PRSS12: variants seen among roughly 807,000 people sequenced by gnomAD.
The protein encoded by PRSS12 is serine protease 12.
In PRSS12, 85 loss-of-function variants were observed where a neutral mutation model predicts 104.4. The observed-to-expected ratio is 0.81, with a 90% confidence interval of 0.68 to 0.98. The LOEUF is 0.98. Among genes scored for constraint, PRSS12 ranks in the 50% least tolerant of loss-of-function variants. The pLI is 0.00. For synonymous variants in PRSS12, 454 were observed against 425.2 expected (o/e 1.07, Z -0.83); for missense variants, 1,141 against 1,139.2 (o/e 1.00, Z -0.02).
At chr4:118,304,991 T>C (rs1326888439) in intron 8 of PRSS12, among the ~76,000 whole-genome samples, 2 of 151,752 alleles carry the variant, frequency 1.3e-5, no homozygotes, top group African/African-American at 4.8e-5. Context: ...AGCTTCAAAG[T>C]TTCCTGGATT....
chr4:118,316,862 C>T (rs546899184), intron 5 of PRSS12, among the ~76,000 whole-genome samples: 234 of 107,932 alleles, frequency 2.2e-3, no homozygotes, highest in African/African-American at 6.7e-3. Flanking sequence ...ATATATCTTT[C>T]CTTTTTATTG....
At chr4:118,315,591 T>C (rs1198752885) in intron 6 of PRSS12, among the ~76,000 whole-genome samples, 2 of 152,224 alleles carry the variant, frequency 1.3e-5, no homozygotes, top group African/African-American at 2.4e-5. Context: ...AAGCATCATT[T>C]GCAGTTACTT....
chr4:118,316,837 A>AAAAAAATATATATATATATATATAT (rs35698159), intron 5 of PRSS12, among the ~76,000 whole-genome samples: 48 of 99,138 alleles, frequency 4.8e-4, no homozygotes, highest in African/African-American at 1.7e-3. Context: ...AAAAAAAAAA[A>AAAAAAATATATATATATATATATAT]ATATATATAT....
intron 5 of PRSS12, among the ~76,000 whole-genome samples, chr4:118,316,839 T>TATATATAG (rs1723446397): frequency 1.8e-5 from 1 of 55,008 alleles, no homozygotes; most frequent in Non-Finnish European, 4.2e-5. Flanking sequence ...AAAAAAAAAA[T>TATATATAG]ATATATATAT....
At chr4:118,290,923 C>T (rs1743111861) in intron 11 of PRSS12, among the ~76,000 whole-genome samples, 7 of 151,904 alleles carry the variant, frequency 4.6e-5, no homozygotes, top group Admixed American at 4.6e-4. Context: ...AAATTAGGTC[C>T]CTTCCTCACA....
At chr4:118,312,835 T>A (rs1213253544) in intron 7 of PRSS12, 1 of 280,656 alleles carries the variant, frequency 3.6e-6, no homozygotes, top group Non-Finnish European at 6.9e-6. Flanking sequence ...TTTTAAATCC[T>A]ATCCCAAATA....
At chr4:118,309,023 A>G (rs17049718) in intron 7 of PRSS12, among the ~76,000 whole-genome samples, 5,710 of 152,214 alleles carry the variant, frequency 0.038, 163 homozygotes, top group African/African-American at 0.077. Flanking sequence ...CGATATAAAT[A>G]GACACAATCT....
chr4:118,322,928 A>T (rs1723673115), intron 4 of PRSS12, among the ~76,000 whole-genome samples: 1 of 152,026 alleles, frequency 6.6e-6, no homozygotes, highest in Non-Finnish European at 1.5e-5. Flanking sequence ...AAAAAAAATC[A>T]AAATAAGAAT....
In PRSS12 at chr4:118,352,498, G is replaced by C. The variant is rs1418021891; in HGVS notation, c.223C>G (p.Gln75Glu). Reference sequence around the variant, plus strand: ...CCGGCCTGGAGGGCGTGCGGGCGCTGGGCAGGGAGCGCCCGCGGGGGGCGC... The same window carrying C: ...CCGGCCTGGAGGGCGTGCGGGCGCTCGGCAGGGAGCGCCCGCGGGGGGCGC... ...FPRPPRALPA[Q>E]RPHALQAGHT... Residue 75 changes from glutamine (Q) to glutamate (E), a missense_variant, in exon 1 of 13, where the codon CAG (glutamine) becomes GAG (glutamate). Transcript: ENST00000296498. 2.1e-6 allele frequency: 3 copies of C among 1,427,064 alleles called. No individual in the cohort carries two copies. Among genetic ancestry groups the C allele is most frequent in the Non-Finnish European group, 2.7e-6 (3 of 1,091,342 alleles). 88.4% of individuals were successfully genotyped at this position (1,427,064 alleles called of 1,614,324 possible). A position where few individuals can be genotyped will look rare whatever the true frequency, so the allele number is the denominator to read the frequency against.
chr4:118,330,952 A>G lies in PRSS12; in HGVS notation c.971+764T>C, dbSNP rs150778393. On this transcript the variant is annotated intron_variant, in intron 4 of 12. Transcript: ENST00000296498. Reference sequence around the variant, plus strand: ...GTTAACTGAACACAATGAACAGGGAAGAACAGGCCTCCCATCATTGGCCCC... The same window carrying G: ...GTTAACTGAACACAATGAACAGGGAGGAACAGGCCTCCCATCATTGGCCCC... 8.9e-3 allele frequency among the ~76,000 whole-genome samples: 1,354 copies of G among 152,258 alleles called. 20 individuals are homozygous for G. The highest frequency in any genetic ancestry group is 0.031 in the African/African-American group (1,284 of 41,558).
chr4:118,305,549 C>T (rs1743525928), intron 8 of PRSS12, among the ~76,000 whole-genome samples: 1 of 152,014 alleles, frequency 6.6e-6, no homozygotes, highest in Admixed American at 6.6e-5. Flanking sequence ...ATTACCACAA[C>T]CAAGGTGCTA....
intron 1 of PRSS12, among the ~76,000 whole-genome samples, chr4:118,339,459 T>C (rs1724145858): frequency 6.6e-6 from 1 of 152,224 alleles, no homozygotes; most frequent in African/African-American, 2.4e-5. Flanking sequence ...CCACTATTAT[T>C]TTCCACATCA....
chr4:118,315,056 GC>G (rs939279224), intron 6 of PRSS12, among the ~76,000 whole-genome samples: 4 of 151,922 alleles, frequency 2.6e-5, no homozygotes, highest in African/African-American at 9.7e-5. Flanking sequence ...TAACTTCTCT[GC>G]CCAAGAAAAG....
chr4:118,302,497 G>T (rs2126030193), intron 8 of PRSS12, among the ~76,000 whole-genome samples: 1 of 152,294 alleles, frequency 6.6e-6, no homozygotes, highest in South Asian at 2.1e-4. Context: ...CACAATCTCA[G>T]CTTACCGCAA....
At chr4:118,334,907 T>A (rs1724022745) in intron 3 of PRSS12, among the ~76,000 whole-genome samples, 2 of 152,148 alleles carry the variant, frequency 1.3e-5, no homozygotes, top group Admixed American at 6.5e-5. Context: ...CTTCCTCTAC[T>A]TCCATGAATA....
At chr4:118,343,951 A>C (rs543390351) in intron 1 of PRSS12, among the ~76,000 whole-genome samples, 1 of 152,334 alleles carries the variant, frequency 6.6e-6, no homozygotes, top group Non-Finnish European at 1.5e-5. Context: ...AAGAGTAAAA[A>C]AAAACTTCAC....
At position 118,352,206 on chromosome 4, in the gene PRSS12, C is replaced by A; in HGVS notation, c.502+13G>T. The A allele has an allele frequency of 6.2e-7, 1 of 1,610,972 alleles. No individual in the cohort carries two copies. The highest frequency in any genetic ancestry group is 8.5e-7 in the Non-Finnish European group (1 of 1,179,478). ...CCGTCCGGAGTTTCCGCGGCCGCCCCGAGGCCACTAACCGTGTCTGCAGTC... is the reference window on the plus strand; with the variant it reads ...CCGTCCGGAGTTTCCGCGGCCGCCCAGAGGCCACTAACCGTGTCTGCAGTC... On this transcript the variant is annotated intron_variant, in intron 1 of 12. Coordinates refer to ENST00000296498, the MANE Select transcript of PRSS12 (RefSeq NM_003619.4).
intron 7 of PRSS12, among the ~76,000 whole-genome samples, chr4:118,312,434 A>C (rs914492199): frequency 1.3e-5 from 2 of 152,070 alleles, no homozygotes; most frequent in African/African-American, 4.8e-5. Context: ...AGCATACAAC[A>C]AAGTATTTTG....
rs1036420512 is a variant in PRSS12 at position 118,316,424 on chromosome 4, A to G, written c.1151-101T>C. The G allele has an allele frequency of 2.1e-6, 3 of 1,425,294 alleles. No individual in the cohort carries two copies. The African/African-American group carries it at 4.2e-5, about 20-fold the overall frequency. 88.3% of individuals were successfully genotyped at this position (1,425,294 alleles called of 1,614,324 possible). A position where few individuals can be genotyped will look rare whatever the true frequency, so the allele number is the denominator to read the frequency against. ...AGAAATATCACCATATTCAGGCCTC[A>G]CTCTAGGCCTTTTGCTAAACTTACA... On this transcript the variant is annotated intron_variant, in intron 5 of 12. Coordinates refer to ENST00000296498, the MANE Select transcript of PRSS12 (RefSeq NM_003619.4).
Sources: gnomAD v4.1 joint callset for allele counts (sites outside exome capture counted in the v4.1 genomes callset) on GRCh38, gnomAD v4.1.1 for gene constraint, MANE v1.5 for transcripts, NCBI Gene and HGNC (gene_info 2026-07-23, HGNC 2026-07-21) for gene names.